NOD2: variants seen among roughly 807,000 people sequenced by gnomAD.
The protein encoded by NOD2 is nucleotide-binding oligomerization domain-containing protein 2.
In NOD2, 86 loss-of-function variants were observed where a neutral mutation model predicts 90.9. That is an observed-to-expected ratio of 0.95 (90% CI 0.79 to 1.13). The LOEUF is 1.13. Among genes scored for constraint, NOD2 ranks in the 50% most tolerant of loss-of-function variants. The pLI, the probability that NOD2 is intolerant of heterozygous loss-of-function variation, is 0.00. For synonymous variants in NOD2, 581 were observed against 554.6 expected (o/e 1.05, Z -0.67); for missense variants, 1,238 against 1,283.8 (o/e 0.96, Z 0.55).
intron 8 of NOD2, 49 bp from the exon 9 acceptor site, chr16:50,723,252 T>C: frequency 6.4e-7 from 1 of 1,563,074 alleles, no homozygotes; most frequent in Non-Finnish European, 8.8e-7. Context: ...AGCTCATCTC[T>C]GAGGTCTTTC....
In NOD2 at chr16:50,711,494, C is replaced by A. The variant is rs773811702; in HGVS notation, c.1502C>A (p.Pro501Gln). The change falls in exon 4 of 12, where the codon CCA (proline) becomes CAA (glutamine). Residue 501 changes from proline to glutamine, a missense_variant. Physicochemically the swap from Pro to Gln is moderately conservative, Grantham distance 76 (BLOSUM62 -1). Coordinates refer to ENST00000647318, the MANE Select transcript of NOD2 (RefSeq NM_001370466.1). ...LQHFLLHATPPDSASQGLGPS... is the reference protein window; with the variant it reads ...LQHFLLHATPQDSASQGLGPS... ...CATTTTCTGCTGCATGCCACCCCCC[C>A]AGACTCAGCTTCCCAAGGTCTGGGA... is the stretch of plus-strand genomic sequence containing the variant. 1.2e-6 allele frequency: 2 copies of A among 1,613,378 alleles called. No individual in the cohort carries two copies. Among genetic ancestry groups the A allele is most frequent in the Admixed American group, 1.7e-5 (1 of 60,030 alleles).
intron 2 of NOD2, among the ~76,000 whole-genome samples, chr16:50,700,757 G>T (rs1963905879): frequency 6.6e-6 from 1 of 152,140 alleles, no homozygotes; most frequent in Non-Finnish European, 1.5e-5. Context: ...TAAATTAACA[G>T]CACAACAGAC....
At chr16:50,723,505 T>C in intron 9 of NOD2, 121 bp downstream of exon 9, 1 of 842,390 alleles carries the variant, frequency 1.2e-6, no homozygotes, top group Non-Finnish European at 2.0e-6. Flanking sequence ...GATTGACTGA[T>C]TGATTGATTG....
At position 50,708,482 on chromosome 16, in the gene NOD2, G is replaced by A. The variant is rs144919013; in HGVS notation, c.565+522G>A. On this transcript the variant is annotated intron_variant, in intron 3 of 11. Transcript: ENST00000647318. ...TCCTGCCAGGTGCTTTATGGACAAT[G>A]TCTACCCTTTGCAACAACCCTGAGA... 2.0e-3 allele frequency among the ~76,000 whole-genome samples: 303 copies of A among 152,308 alleles called. 2 individuals carry two copies. The highest frequency in any genetic ancestry group is 7.0e-3 in the African/African-American group (289 of 41,550).
intron 9 of NOD2, among the ~76,000 whole-genome samples, chr16:50,724,475 A>G (rs1004529968): frequency 6.6e-6 from 1 of 152,232 alleles, no homozygotes; most frequent in African/African-American, 2.4e-5. Flanking sequence ...TCCACCCAGC[A>G]AGGTAGGCAA....
intron 2 of NOD2, among the ~76,000 whole-genome samples, chr16:50,703,435 C>T (rs984963860): frequency 3.9e-5 from 6 of 151,950 alleles, no homozygotes; most frequent in African/African-American, 9.7e-5. Flanking sequence ...GTCAGGAGAT[C>T]GAGACCATCC....
chr16:50,726,239 G>A (rs564448593), intron 10 of NOD2, among the ~76,000 whole-genome samples: 2 of 152,298 alleles, frequency 1.3e-5, no homozygotes, highest in South Asian at 4.1e-4. Flanking sequence ...GCTCTCTGAG[G>A]CTGATGCCAA....
intron 4 of NOD2, among the ~76,000 whole-genome samples, chr16:50,714,748 C>T (rs905638558): frequency 2.0e-5 from 3 of 151,944 alleles, no homozygotes; most frequent in Non-Finnish European, 2.9e-5. Context: ...TGAAGTGTTT[C>T]CATGCCAACT....
intron 4 of NOD2, among the ~76,000 whole-genome samples, chr16:50,714,980 CTTCTG>C (rs1304186453): frequency 1.3e-5 from 2 of 152,176 alleles, no homozygotes; most frequent in African/African-American, 4.8e-5. Context: ...ACTCTGCTCT[CTTCTG>C]TTCTGTTCTA....
chr16:50,697,515 T>C (rs572958050), intron 1 of NOD2: 18 of 662,402 alleles, frequency 2.7e-5, no homozygotes, highest in African/African-American at 2.7e-4. Context: ...GTCGCATCCT[T>C]GGCTGGTGTT....
intron 10 of NOD2, chr16:50,728,885 AT>A (rs1382351730): frequency 1.3e-5 from 2 of 152,936 alleles, no homozygotes; most frequent in African/African-American, 4.8e-5. Context: ...CCCCCTGAAA[AT>A]AGAAATATTA....
intron 1 of NOD2, 144 bp from the exon 2 acceptor site, chr16:50,699,344 G>A (rs1676513058): frequency 1.4e-6 from 1 of 705,422 alleles, no homozygotes; most frequent in Non-Finnish European, 2.5e-6. Flanking sequence ...CATCTATATG[G>A]TGGGGAGCTT....
rs1241091187 is a variant in NOD2 at position 50,699,735 on chromosome 16, C to T, written c.240C>T (p.Ala80=). The change falls in exon 2 of 12, where the codon GCC becomes GCT. Residue 80 remains alanine (A), a synonymous_variant. Coordinates refer to ENST00000647318, the MANE Select transcript of NOD2 (RefSeq NM_001370466.1). Reference sequence around the variant, plus strand: ...CCTGTCAGAAGCTCATCGCGGCTGCCCAAGAAGCCCAGGCCGACAGCCAGT... The same window carrying T: ...CCTGTCAGAAGCTCATCGCGGCTGCTCAAGAAGCCCAGGCCGACAGCCAGT... The part of the protein sequence containing the change: ...TWACQKLIAA[A]QEAQADSQSP... 1.9e-6 allele frequency: 3 copies of T among 1,614,070 alleles called. No homozygotes were observed. The highest frequency in any genetic ancestry group is 2.2e-5 in the South Asian group (2 of 91,068).
At position 50,710,971 on chromosome 16, in the gene NOD2, T is replaced by C. The variant is rs1964448009; in HGVS notation, c.979T>C (p.Cys327Arg). Residue 327 changes from cysteine to arginine, a missense_variant, in exon 4 of 12, where the codon TGT (cysteine) becomes CGT (arginine). Coordinates refer to ENST00000647318, the MANE Select transcript of NOD2 (RefSeq NM_001370466.1). Reference protein sequence around the residue: ...SVRTLLFEHCCWPDVGQEDIF... With the variant: ...SVRTLLFEHCRWPDVGQEDIF... ...GCGGACTCTACTCTTTGAGCACTGCTGTTGGCCTGATGTTGGTCAAGAAGA... is the reference window on the plus strand; with the variant it reads ...GCGGACTCTACTCTTTGAGCACTGCCGTTGGCCTGATGTTGGTCAAGAAGA... The C allele has an allele frequency of 1.2e-6, 2 of 1,614,114 alleles. No individual in the cohort carries two copies. The highest frequency in any genetic ancestry group is 1.7e-6 in the Non-Finnish European group (2 of 1,180,040).
rs756538468 is a variant in NOD2, at chr16:50,710,982, T to A, written c.990T>A (p.Asp330Glu). 6.2e-7 allele frequency: 1 copy of A among 1,614,256 alleles called. No homozygotes were observed. Among genetic ancestry groups the A allele is most frequent in the Admixed American group, 1.7e-5 (1 of 60,036 alleles). The change falls in exon 4 of 12, where the codon GAT (aspartate) becomes GAA (glutamate). Residue 330 changes from aspartate (D) to glutamate (E), a missense_variant. Asp to Glu is a conservative substitution (Grantham distance 45, BLOSUM62 2). Coordinates refer to ENST00000647318, the MANE Select transcript of NOD2 (RefSeq NM_001370466.1). ...TCTTTGAGCACTGCTGTTGGCCTGA[T>A]GTTGGTCAAGAAGACATCTTCCAGT... Reference protein sequence around the residue: ...TLLFEHCCWPDVGQEDIFQLL... With the variant: ...TLLFEHCCWPEVGQEDIFQLL...
chr16:50,730,925 G>T (rs2357791), intron 11 of NOD2, among the ~76,000 whole-genome samples: 4 of 152,058 alleles, frequency 2.6e-5, no homozygotes, highest in African/African-American at 7.2e-5. Flanking sequence ...TTTGCTGGGC[G>T]TGGCAGCTCA....
chr16:50,719,817 G>C (rs1232377341), intron 6 of NOD2, 108 bp from the exon 7 acceptor site: 1 of 975,368 alleles, frequency 1.0e-6, no homozygotes, highest in Admixed American at 1.7e-5. Context: ...CTGCCTCCCG[G>C]GCAGGTCTTC....
chr16:50,709,036 T>C (rs1964334190), intron 3 of NOD2, among the ~76,000 whole-genome samples: 1 of 152,226 alleles, frequency 6.6e-6, no homozygotes, highest in African/African-American at 2.4e-5. Flanking sequence ...TGTTTATTTC[T>C]CTATAAAATG....
chr16:50,697,964 G>T (rs1963738983), intron 1 of NOD2: 1 of 154,542 alleles, frequency 6.5e-6, no homozygotes, highest in African/African-American at 2.4e-5. Context: ...GCTCAGGGAT[G>T]CCAGGACGAG....
Sources: allele counts gnomAD v4.1 joint callset (sites outside exome capture counted in the v4.1 genomes callset), GRCh38; gene constraint gnomAD v4.1.1; transcripts MANE v1.5; gene names NCBI Gene and HGNC (gene_info 2026-07-23, HGNC 2026-07-21).